TRPC7: variants seen among roughly 807,000 people sequenced by gnomAD.
TRPC7 encodes transient receptor potential cation channel subfamily C member 7.
TRPC7 carries 42 observed loss-of-function variants against 90.1 expected under a neutral mutation model. The observed-to-expected ratio is 0.47, with a 90% confidence interval of 0.36 to 0.60. The LOEUF (loss-of-function observed/expected upper bound fraction) is 0.60, where lower values mean the gene tolerates loss of function less well. Among genes scored for constraint, TRPC7 ranks in the 20% least tolerant of loss-of-function variants. The pLI is 0.00. For synonymous variants in TRPC7, 451 were observed against 436.3 expected (o/e 1.03, Z -0.42); for missense variants, 955 against 1,112.3 (o/e 0.86, Z 2.01).
intron 7 of TRPC7, among the ~76,000 whole-genome samples, chr5:136,238,607 T>C (rs145180139): frequency 8.2e-6 from 1 of 122,520 alleles, no homozygotes; most frequent in Non-Finnish European, 1.8e-5. Context: ...CATAAAAAGG[T>C]GAGACCCTCT....
intron 5 of TRPC7, among the ~76,000 whole-genome samples, chr5:136,264,531 C>T (rs1756961179): frequency 6.6e-6 from 1 of 151,874 alleles, no homozygotes; most frequent in South Asian, 2.1e-4. Context: ...ATGTCCCTTC[C>T]CAACTTTAGT....
At chr5:136,343,772 C>A (rs1000721043) in intron 2 of TRPC7, among the ~76,000 whole-genome samples, 2 of 151,968 alleles carry the variant, frequency 1.3e-5, no homozygotes, top group African/African-American at 4.8e-5. Flanking sequence ...CCTTTTTGCC[C>A]CTACACAGAT....
intron 1 of TRPC7, among the ~76,000 whole-genome samples, chr5:136,364,861 C>A (rs988125795): frequency 1.3e-5 from 2 of 152,148 alleles, no homozygotes; most frequent in African/African-American, 4.8e-5. Context: ...TAGAATATAA[C>A]CCTCTCCCTT....
At chr5:136,279,896 C>T (rs1322465284) in intron 3 of TRPC7, among the ~76,000 whole-genome samples, 1 of 152,144 alleles carries the variant, frequency 6.6e-6, no homozygotes, top group Non-Finnish European at 1.5e-5. Context: ...GCCTTCAAGA[C>T]CCAACTTCCC....
At chr5:136,363,036 TG>T (rs1760616424) in intron 1 of TRPC7, among the ~76,000 whole-genome samples, 1 of 152,200 alleles carries the variant, frequency 6.6e-6, no homozygotes, top group African/African-American at 2.4e-5. Flanking sequence ...ATTCTATGAC[TG>T]TTATTTCCTA....
At chr5:136,287,687 C>CAAAAAAAAAAAAAAA (rs767031610) in intron 3 of TRPC7, among the ~76,000 whole-genome samples, 28 of 59,518 alleles carry the variant, frequency 4.7e-4, no homozygotes, top group Non-Finnish European at 6.7e-4. Flanking sequence ...AGTGGATGCT[C>CAAAAAAAAAAAAAAA]AAAAAAAAAA....
chr5:136,318,049 C>A (rs55972276), intron 2 of TRPC7, among the ~76,000 whole-genome samples: 14,742 of 152,228 alleles, frequency 0.097, 790 homozygotes, highest in Non-Finnish European at 0.13. Flanking sequence ...AGGCAATAAG[C>A]GTTCTGCTGT....
chr5:136,230,634 TCA>T (rs1247356942), intron 8 of TRPC7, among the ~76,000 whole-genome samples: 2 of 152,238 alleles, frequency 1.3e-5, no homozygotes, highest in Non-Finnish European at 2.9e-5. Context: ...CTATTAATGC[TCA>T]GTTTGTTTTT....
In TRPC7 at chr5:136,274,813, G is replaced by A; in HGVS notation, c.988C>T (p.Gln330Ter). Residue 330 changes from glutamine (Q) to a stop codon, truncating the protein, a stop_gained, in exon 4 of 12, where the codon CAG (glutamine) becomes TAG (stop). Transcript: ENST00000513104. LOFTEE classifies it high-confidence loss of function. ...KKFVAHPNCQ[Q>*]QLLTMWYENL... ...TCATACCACATGGTAAGCAATTGCT[G>A]CTGACAGTTAGGATGAGCAACGAAC... 1 of 1,577,634 alleles carries A rather than the reference G, an allele frequency of 6.3e-7. No individual in the cohort carries two copies. The highest frequency in any genetic ancestry group is 8.6e-7 in the Non-Finnish European group (1 of 1,161,314).
chr5:136,336,088 A>G (rs889970949), intron 2 of TRPC7, among the ~76,000 whole-genome samples: 1 of 151,860 alleles, frequency 6.6e-6, no homozygotes, highest in African/African-American at 2.4e-5. Flanking sequence ...TTCTGCCTTT[A>G]TGTCTTTTTT....
chr5:136,216,366 G>A (rs959876134), intron 10 of TRPC7, 91 bp from the exon 11 acceptor site: 1 of 1,020,996 alleles, frequency 9.8e-7, no homozygotes, highest in Non-Finnish European at 1.5e-6. Context: ...CTCCCTTGAA[G>A]AGCCTCAGCA....
intron 2 of TRPC7, among the ~76,000 whole-genome samples, chr5:136,326,167 G>A (rs1499765): frequency 0.49 from 73,989 of 152,086 alleles, 18,575 homozygotes; most frequent in Admixed American, 0.58. Flanking sequence ...CTTGTGGAGC[G>A]CTTTCTCACT....
intron 5 of TRPC7, among the ~76,000 whole-genome samples, chr5:136,260,124 A>G (rs925258923): frequency 5.3e-5 from 8 of 152,196 alleles, no homozygotes; most frequent in Admixed American, 4.6e-4. Flanking sequence ...TTGGGAAGTA[A>G]GTTGTTGTCA....
intron 7 of TRPC7, among the ~76,000 whole-genome samples, chr5:136,246,390 A>G (rs570136444): frequency 1.3e-5 from 2 of 152,326 alleles, no homozygotes; most frequent in African/African-American, 4.8e-5. Context: ...CTGGAAGTGT[A>G]GGTGAGTTAA....
intron 3 of TRPC7, among the ~76,000 whole-genome samples, chr5:136,286,512 A>G (rs574272685): frequency 1.2e-4 from 19 of 152,260 alleles, no homozygotes; most frequent in African/African-American, 4.3e-4. Context: ...AGAGAGACCA[A>G]ATAAAAGAGC....
chr5:136,323,415 C>T (rs543384423), intron 2 of TRPC7, among the ~76,000 whole-genome samples: 3 of 152,140 alleles, frequency 2.0e-5, no homozygotes, highest in East Asian at 1.9e-4. Context: ...TTTCTTAATG[C>T]AAGGTCATAA....
chr5:136,223,588 G>A (rs1010938444), intron 10 of TRPC7, among the ~76,000 whole-genome samples: 1 of 151,684 alleles, frequency 6.6e-6, no homozygotes, highest in African/African-American at 2.4e-5. Flanking sequence ...ACACCAGCCT[G>A]GGCAACAAGA....
At chr5:136,256,912 C>T (rs1035441997) in intron 5 of TRPC7, among the ~76,000 whole-genome samples, 1 of 151,678 alleles carries the variant, frequency 6.6e-6, no homozygotes, top group Admixed American at 6.6e-5. Context: ...CAAGCACACT[C>T]ACAGATGCCT....
At chr5:136,343,486 C>T (rs1759908448) in intron 2 of TRPC7, among the ~76,000 whole-genome samples, 1 of 152,154 alleles carries the variant, frequency 6.6e-6, no homozygotes, top group South Asian at 2.1e-4. Context: ...GGAAGGAATA[C>T]TACACAGAGA....
Sources: allele counts gnomAD v4.1 joint callset (sites outside exome capture counted in the v4.1 genomes callset), GRCh38; gene constraint gnomAD v4.1.1; transcripts MANE v1.5; gene names NCBI Gene and HGNC (gene_info 2026-07-23, HGNC 2026-07-21).